RASA2: variants seen among roughly 807,000 people sequenced by gnomAD.
RASA2 encodes ras GTPase-activating protein 2.
A neutral mutation model predicts 118.2 loss-of-function variants in RASA2; 155 were observed. That is an observed-to-expected ratio of 1.31 (90% CI 1.15 to 1.50). The LOEUF (loss-of-function observed/expected upper bound fraction) is 1.50, where lower values mean the gene tolerates loss of function less well. Ranked by LOEUF, RASA2 falls within the 40% of genes most tolerant of loss-of-function variation. The pLI is 0.00. For missense variants in RASA2, 1,016 were observed against 1,009.6 expected (o/e 1.01, Z -0.09); for synonymous variants, 353 against 349.1 (o/e 1.01, Z -0.12).
chr3:141,602,204 G>C (rs2083474906), intron 19 of RASA2, among the ~76,000 whole-genome samples: 1 of 152,108 alleles, frequency 6.6e-6, no homozygotes, highest in South Asian at 2.1e-4. Flanking sequence ...TTAAAAGCTA[G>C]ACATTTTTAA....
intron 3 of RASA2, among the ~76,000 whole-genome samples, chr3:141,529,254 T>C (rs1409580665): frequency 6.6e-6 from 1 of 152,102 alleles, no homozygotes; most frequent in East Asian, 1.9e-4. Flanking sequence ...TGTATGATAT[T>C]GTTTTTCCTT....
rs1234625968 is a variant in RASA2 at position 141,562,362 on chromosome 3, G to A, written c.863+2367G>A. Among the ~76,000 whole-genome samples, 5 of 148,176 alleles carry A rather than the reference G, an allele frequency of 3.4e-5. No homozygotes were observed. In the East Asian group the frequency reaches 6.1e-4, roughly 18 times the overall value. On this transcript the variant is annotated intron_variant, in intron 9 of 23. Coordinates refer to ENST00000286364, the MANE Select transcript of RASA2 (RefSeq NM_006506.5). The stretch of plus-strand genomic sequence containing the variant: ...AAATAGGCCTGGCACGGTGGCTCAA[G>A]CCTGTAATCCCAGCACTTTGGGAGC...
At chr3:141,562,627 A>C (rs1259231427) in intron 9 of RASA2, among the ~76,000 whole-genome samples, 1 of 150,742 alleles carries the variant, frequency 6.6e-6, no homozygotes, top group Non-Finnish European at 1.5e-5. Flanking sequence ...GTCTCAAAAA[A>C]AGAAAACAAA....
rs75354750 is a variant in RASA2, at chr3:141,519,874, A to G, written c.355+3443A>G. ...CTAATACTAATATATTAATACTAAT[A>G]TATTAGGGTCTGTGCTGGAGATATG... On this transcript the variant is annotated intron_variant, in intron 3 of 23. Transcript: ENST00000286364. Among the ~76,000 whole-genome samples the G allele has an allele frequency of 2.1e-3, 318 of 152,228 alleles. 7 individuals are homozygous for G. In the East Asian group the frequency reaches 0.041, roughly 19 times the overall value.
chr3:141,512,057 TC>T (rs2081959447), intron 1 of RASA2, 105 bp from the exon 2 acceptor site: 21 of 724,682 alleles, frequency 2.9e-5, no homozygotes, highest in South Asian at 8.9e-5. Context: ...TTTTTTTTTT[TC>T]TGTGCCACAT....
At chr3:141,519,183 A>G (rs779968971) in intron 3 of RASA2, among the ~76,000 whole-genome samples, 212 of 152,254 alleles carry the variant, frequency 1.4e-3, no homozygotes, top group Non-Finnish European at 1.1e-3. Flanking sequence ...GTATCATACT[A>G]ATATGGACGA....
chr3:141,595,627 T>C (rs538168534), intron 19 of RASA2, among the ~76,000 whole-genome samples: 27 of 151,986 alleles, frequency 1.8e-4, no homozygotes, highest in African/African-American at 6.3e-4. Context: ...CTTTTTTTCT[T>C]TTTTCTTTTT....
At chr3:141,496,998 A>C (rs1192824788) in intron 1 of RASA2, among the ~76,000 whole-genome samples, 1 of 152,174 alleles carries the variant, frequency 6.6e-6, no homozygotes, top group Admixed American at 6.6e-5. Flanking sequence ...AAAATGGATG[A>C]ATTCATGTCC....
chr3:141,573,069 A>G (rs2082949638), intron 12 of RASA2, 78 bp from the exon 13 acceptor site: 3 of 1,236,400 alleles, frequency 2.4e-6, no homozygotes, highest in African/African-American at 1.6e-5. Flanking sequence ...ATTAACTTTT[A>G]TTATCAGAAA....
chr3:141,529,502 A>G (rs926600803), intron 3 of RASA2, among the ~76,000 whole-genome samples: 3 of 152,158 alleles, frequency 2.0e-5, no homozygotes, highest in African/African-American at 4.8e-5. Flanking sequence ...TGACCCAGAC[A>G]AATGTCTGCC....
intron 19 of RASA2, among the ~76,000 whole-genome samples, chr3:141,606,237 T>C (rs1040204962): frequency 1.8e-4 from 27 of 152,316 alleles, no homozygotes; most frequent in Non-Finnish European, 2.9e-4. Context: ...AGTTACTGCC[T>C]CCCTGCCCCA....
At chr3:141,534,139 C>T (rs1426654625) in intron 4 of RASA2, among the ~76,000 whole-genome samples, 3 of 152,220 alleles carry the variant, frequency 2.0e-5, no homozygotes, top group African/African-American at 7.2e-5. Context: ...CAGTGAACTA[C>T]AGCCGTGCTA....
At chr3:141,530,011 G>A (rs190798253) in intron 4 of RASA2, among the ~76,000 whole-genome samples, 3 of 152,120 alleles carry the variant, frequency 2.0e-5, no homozygotes, top group Admixed American at 1.3e-4. Context: ...ATGCATATGT[G>A]TAGATTTGTG....
At chr3:141,572,540 C>T (rs1577762284) in intron 11 of RASA2, 69 bp from the exon 12 acceptor site, 4 of 1,098,036 alleles carry the variant, frequency 3.6e-6, no homozygotes, top group Non-Finnish European at 5.6e-6. Context: ...TTAAATTGGT[C>T]AAGTATGTTA....
At chr3:141,508,401 T>C (rs1170481453) in intron 1 of RASA2, among the ~76,000 whole-genome samples, 1 of 152,024 alleles carries the variant, frequency 6.6e-6, no homozygotes, top group Non-Finnish European at 1.5e-5. Context: ...TTCTTTACTA[T>C]TGAGACAGGG....
chr3:141,608,701 A>G lies in RASA2; in HGVS notation c.2225+4A>G, dbSNP rs1375469402. 4.3e-6 allele frequency: 7 copies of G among 1,609,992 alleles called. No homozygotes were observed. Among genetic ancestry groups the G allele is most frequent in the Non-Finnish European group, 6.0e-6 (7 of 1,176,422 alleles). ...TCGGCTGCAAGCCATGTACTGCGTA[A>G]GTTTCTTTCTGATTATAAAAGCAGT... is the stretch of plus-strand genomic sequence containing the variant. On this transcript the variant is annotated splice_donor_region_variant and intron_variant, in intron 21 of 23. Coordinates refer to ENST00000286364, the MANE Select transcript of RASA2 (RefSeq NM_006506.5).
At chr3:141,584,388 G>A (rs1252726858) in intron 17 of RASA2, among the ~76,000 whole-genome samples, 1 of 148,712 alleles carries the variant, frequency 6.7e-6, no homozygotes, top group Admixed American at 6.7e-5. Flanking sequence ...TTGAACTGCT[G>A]ATTTCCCTTT....
chr3:141,507,545 A>G (rs1162808585), intron 1 of RASA2, among the ~76,000 whole-genome samples: 3 of 152,166 alleles, frequency 2.0e-5, no homozygotes, highest in Non-Finnish European at 4.4e-5. Flanking sequence ...CTCTGCCATG[A>G]TCAGGAGTCT....
intron 9 of RASA2, among the ~76,000 whole-genome samples, chr3:141,569,558 C>T (rs1341703140): frequency 2.0e-5 from 3 of 152,098 alleles, no homozygotes; most frequent in African/African-American, 7.2e-5. Context: ...TGCTGAGTAT[C>T]CCCCCAAAAA....
Sources: gnomAD v4.1 joint callset for allele counts (sites outside exome capture counted in the v4.1 genomes callset) on GRCh38, gnomAD v4.1.1 for gene constraint, MANE v1.5 for transcripts, NCBI Gene and HGNC (gene_info 2026-07-23, HGNC 2026-07-21) for gene names.